The following TMEM41B variants were observed in gnomAD, a reference collection of about 807,000 sequenced individuals.
TMEM41B encodes transmembrane protein 41B.
TMEM41B carries 18 observed loss-of-function variants against 31.9 expected under a neutral mutation model. The ratio of observed to expected loss-of-function variants is 0.56; its 90% CI spans 0.39 to 0.84. The LOEUF is 0.84. Among genes scored for constraint, TMEM41B ranks in the 40% least tolerant of loss-of-function variants. The pLI, the probability that TMEM41B is intolerant of heterozygous loss-of-function variation, is 0.00. For missense variants in TMEM41B, 322 were observed against 348.0 expected (o/e 0.93, Z 0.59); for synonymous variants, 144 against 124.3 (o/e 1.16, Z -1.05).
chr11:9,293,401 C>T (rs1219331721), intron 3 of TMEM41B, among the ~76,000 whole-genome samples: 2 of 152,038 alleles, frequency 1.3e-5, no homozygotes, highest in African/African-American at 4.8e-5. Flanking sequence ...CTACACCCGG[C>T]CAATTAGTTT....
intron 1 of TMEM41B, among the ~76,000 whole-genome samples, chr11:9,309,942 C>T (rs1396861314): frequency 6.8e-6 from 1 of 147,976 alleles, no homozygotes; most frequent in East Asian, 2.0e-4. Context: ...AACAAAAGAA[C>T]AAAAAAAAAT....
rs182712842 is a variant in TMEM41B, at chr11:9,310,400, A to C, written c.121+3921T>G. ...TCAAGGAAAGATTAAACAAAAAAAA[A>C]CCAGCATTTAATCCCAAAGCACTGA... is the stretch of plus-strand genomic sequence containing the variant. On this transcript the variant is annotated intron_variant, in intron 1 of 6. Transcript: ENST00000528080. 1.4e-3 allele frequency among the ~76,000 whole-genome samples: 217 copies of C among 151,804 alleles called. 1 individual carries two copies. The highest frequency in any genetic ancestry group is 4.3e-3 in the African/African-American group (177 of 41,426).
chr11:9,314,582 A>G lies in TMEM41B; in HGVS notation c.-141T>C. 8.2e-7 allele frequency: 1 copy of G among 1,220,596 alleles called. No homozygotes were observed. Among genetic ancestry groups the G allele is most frequent in the African/African-American group, 1.5e-5 (1 of 64,766 alleles). 75.6% of individuals were successfully genotyped at this position (1,220,596 alleles called of 1,614,324 possible). A position where few individuals can be genotyped will look rare whatever the true frequency, so the allele number is the denominator to read the frequency against. On this transcript the variant is annotated 5_prime_UTR_variant, in exon 1 of 7. Transcript: ENST00000528080. ...TCCTCACCCGAGACGACCTCAGCCC[A>G]GCGAGTACTGCAACCTCCTGCAAAC...
In TMEM41B at chr11:9,282,542, AAC is replaced by A. The variant is rs1347289319; in HGVS notation, c.*880_*881del. 5 of 152,286 alleles carry A rather than the reference AAC, an allele frequency of 3.3e-5. No individual in the cohort carries two copies. The highest frequency in any genetic ancestry group is 4.4e-5 in the Non-Finnish European group (3 of 68,026). 9.4% of individuals were successfully genotyped at this position (152,286 alleles called of 1,614,324 possible). On this transcript the variant is annotated 3_prime_UTR_variant, in exon 7 of 7. Coordinates refer to ENST00000528080, the MANE Select transcript of TMEM41B (RefSeq NM_015012.4). ...CATGATAAAAATCTAGATGATAAAA[AAC>A]AAAAATAAAATTAACAAAATAGATA... is the stretch of plus-strand genomic sequence containing the variant.
At chr11:9,303,650 C>CTTTTTT (rs71062827) in intron 1 of TMEM41B, among the ~76,000 whole-genome samples, 1,005 of 104,624 alleles carry the variant, frequency 9.6e-3, no homozygotes, top group Non-Finnish European at 0.013. Flanking sequence ...TATTCTTTTT[C>CTTTTTT]TTTTTTTTTT....
intron 1 of TMEM41B, chr11:9,311,483 T>G (rs1437573501): frequency 7.0e-7 from 1 of 1,424,002 alleles, no homozygotes; most frequent in Non-Finnish European, 9.8e-7. Context: ...ATTGGCATCC[T>G]GGATACCCTG....
chr11:9,296,660 T>C (rs865965003), intron 2 of TMEM41B, among the ~76,000 whole-genome samples: 118 of 149,116 alleles, frequency 7.9e-4, no homozygotes, highest in African/African-American at 2.8e-3. Flanking sequence ...TGTTAGTAAA[T>C]TAAAAACATT....
At chr11:9,286,665 T>C in intron 5 of TMEM41B, 72 bp from the exon 6 acceptor site, 1 of 1,419,104 alleles carries the variant, frequency 7.0e-7, no homozygotes, top group Non-Finnish European at 9.6e-7. Context: ...TATAAACACC[T>C]TATTTCAAAT....
intron 1 of TMEM41B, among the ~76,000 whole-genome samples, chr11:9,309,819 G>A (rs1230015663): frequency 1.3e-5 from 2 of 150,766 alleles, no homozygotes; most frequent in African/African-American, 2.4e-5. Context: ...CTACTTGGGA[G>A]GCTGAGGCAG....
At chr11:9,311,068 T>C (rs1853549008) in intron 1 of TMEM41B, among the ~76,000 whole-genome samples, 1 of 152,206 alleles carries the variant, frequency 6.6e-6, no homozygotes, top group Non-Finnish European at 1.5e-5. Flanking sequence ...ATTAGCTATA[T>C]GATCTATCCA....
chr11:9,296,915 C>CT lies in TMEM41B; in HGVS notation c.240-1529dup, dbSNP rs925977348. On this transcript the variant is annotated intron_variant, in intron 2 of 6. Transcript: ENST00000528080. The stretch of plus-strand genomic sequence containing the variant: ...TGTTTCATGCATATTATGATCATTT[C>CT]TTTTTTTTTGTTTGTTCTATAGGCA... 2.6e-3 allele frequency among the ~76,000 whole-genome samples: 399 copies of CT among 151,408 alleles called. 1 individual carries two copies. The highest frequency in any genetic ancestry group is 8.9e-3 in the African/African-American group (366 of 41,338).
At position 9,295,220 on chromosome 11, in the gene TMEM41B, G is replaced by T; in HGVS notation, c.368+39C>A. ...GAGCAGACCTTTTACACTTTTTCTTGAACAAAATTAGAAAACATTTTTTCA... is the reference window on the plus strand; with the variant it reads ...GAGCAGACCTTTTACACTTTTTCTTTAACAAAATTAGAAAACATTTTTTCA... On this transcript the variant is annotated intron_variant, in intron 3 of 6. Transcript: ENST00000528080. The T allele has an allele frequency of 2.1e-6, 3 of 1,462,234 alleles. No individual in the cohort carries two copies. In the South Asian group the frequency reaches 4.0e-5, roughly 20 times the overall value. 90.6% of individuals were successfully genotyped at this position (1,462,234 alleles called of 1,614,324 possible).
intron 1 of TMEM41B, among the ~76,000 whole-genome samples, chr11:9,303,650 C>CTT (rs71062827): frequency 6.6e-4 from 69 of 104,766 alleles, no homozygotes; most frequent in East Asian, 1.4e-3. Flanking sequence ...TATTCTTTTT[C>CTT]TTTTTTTTTT....
In TMEM41B at chr11:9,314,383, A is replaced by C. The variant is rs758485476; in HGVS notation, c.59T>G (p.Val20Gly). 5.7e-6 allele frequency: 9 copies of C among 1,576,430 alleles called. No individual in the cohort carries two copies. In the South Asian group the frequency reaches 1.0e-4, roughly 18 times the overall value. ...CCGCGTCCCCGCTGCCCCGTCCCCCACGGGGGTCGTGTGGTGAGCGCCCAA... is the reference window on the plus strand; with the variant it reads ...CCGCGTCCCCGCTGCCCCGTCCCCCCCGGGGGTCGTGTGGTGAGCGCCCAA... Reference protein sequence around the residue: ...SQLGAHHTTPVGDGAAGTRGL... With the variant: ...SQLGAHHTTPGGDGAAGTRGL... Residue 20 changes from valine to glycine, a missense_variant, in exon 1 of 7, where the codon GTG (valine) becomes GGG (glycine). By Grantham distance (109) the Val-to-Gly change is moderately radical. This residue lies in a region of TMEM41B where 183 missense variants were observed against 175.3 expected (regional missense o/e 1.04). Transcript: ENST00000528080.
At chr11:9,291,197 G>A (rs1366787370) in intron 3 of TMEM41B, among the ~76,000 whole-genome samples, 1 of 151,978 alleles carries the variant, frequency 6.6e-6, no homozygotes, top group Non-Finnish European at 1.5e-5. Flanking sequence ...CAAGGCAGGT[G>A]GATCATGAGG....
intron 1 of TMEM41B, among the ~76,000 whole-genome samples, chr11:9,309,626 C>T (rs775386783): frequency 6.6e-6 from 1 of 151,426 alleles, no homozygotes; most frequent in Non-Finnish European, 1.5e-5. Context: ...TTATCCAAGT[C>T]AGAACAATAT....
chr11:9,310,654 CCTT>C (rs1487929240), intron 1 of TMEM41B, among the ~76,000 whole-genome samples: 3 of 106,130 alleles, frequency 2.8e-5, no homozygotes, highest in African/African-American at 7.2e-5. Context: ...GGTTAAGAGC[CCTT>C]TTTTTTTTTT....
intron 1 of TMEM41B, chr11:9,311,474 T>C (rs533524297): frequency 4.8e-5 from 68 of 1,430,172 alleles, no homozygotes; most frequent in Middle Eastern, 2.5e-4. Flanking sequence ...GACCCGAGGA[T>C]TGGCATCCTG....
At chr11:9,305,397 G>A (rs187440509) in intron 1 of TMEM41B, among the ~76,000 whole-genome samples, 10 of 152,186 alleles carry the variant, frequency 6.6e-5, no homozygotes, top group African/African-American at 2.2e-4. Context: ...TCAAGGGTTC[G>A]AGACCAGCCT....
Sources: gnomAD v4.1 joint callset for allele counts (sites outside exome capture counted in the v4.1 genomes callset) on GRCh38, gnomAD v4.1.1 for gene constraint, gnomAD v4.1.1 regional missense constraint, MANE v1.5 for transcripts, NCBI Gene and HGNC (gene_info 2026-07-23, HGNC 2026-07-21) for gene names.